The following CCDC63 variants were observed in gnomAD, a reference collection of about 807,000 sequenced individuals.
CCDC63 encodes the protein coiled-coil domain-containing protein 63.
A neutral mutation model predicts 63.6 loss-of-function variants in CCDC63; 54 were observed. That is an observed-to-expected ratio of 0.85 (90% CI 0.68 to 1.07). CCDC63 has a LOEUF of 1.07. Ranked by LOEUF, CCDC63 falls within the 50% of genes least tolerant of loss-of-function variation. CCDC63 has a pLI of 0.00. For synonymous variants in CCDC63, 253 were observed against 266.1 expected, an observed-to-expected ratio of 0.95 and a Z score of 0.48; for missense variants, 637 against 689.6, an observed-to-expected ratio of 0.92 and a Z score of 0.86.
intron 11 of CCDC63, among the ~76,000 whole-genome samples, chr12:110,906,039 A>G (rs1443024279): frequency 1.8e-5 from 1 of 54,644 alleles, no homozygotes; most frequent in Non-Finnish European, 3.2e-5. Flanking sequence ...TTATAATAAT[A>G]TAATATATAA....
chr12:110,883,933 C>G, intron 7 of CCDC63, 97 bp from the exon 8 acceptor site: 2 of 971,176 alleles, frequency 2.1e-6, no homozygotes, highest in Admixed American at 1.8e-5. Context: ...AGTCACCATG[C>G]CTGGCCACAA....
chr12:110,878,019 T>C (rs2071153708), intron 5 of CCDC63, among the ~76,000 whole-genome samples: 1 of 152,048 alleles, frequency 6.6e-6, no homozygotes, highest in African/African-American at 2.4e-5. Context: ...GACTTTTTTT[T>C]GTTTAGAGTC....
chr12:110,859,670 C>CA (rs533303804), intron 4 of CCDC63, among the ~76,000 whole-genome samples: 1,981 of 134,190 alleles, frequency 0.015, 16 homozygotes, highest in South Asian at 0.035. Flanking sequence ...ATTATGGTAA[C>CA]AAAAAAAAAA....
At chr12:110,863,623 C>A (rs189584480) in intron 4 of CCDC63, among the ~76,000 whole-genome samples, 2 of 151,672 alleles carry the variant, frequency 1.3e-5, no homozygotes, top group Admixed American at 6.6e-5. Context: ...TCACTGCAAC[C>A]TTTGCCTCTC....
intron 10 of CCDC63, among the ~76,000 whole-genome samples, chr12:110,900,039 C>A (rs2071467701): frequency 6.6e-6 from 1 of 151,962 alleles, no homozygotes; most frequent in African/African-American, 2.4e-5. Flanking sequence ...CATGGTGAAA[C>A]CCTGTCTCTA....
intron 8 of CCDC63, 94 bp downstream of exon 8, chr12:110,884,344 A>C: frequency 1.0e-6 from 1 of 959,962 alleles, no homozygotes; most frequent in Non-Finnish European, 1.7e-6. Context: ...GAGAGGCACT[A>C]CAGAAAGCAG....
intron 1 of CCDC63, among the ~76,000 whole-genome samples, chr12:110,848,850 G>T (rs986703791): frequency 1.3e-5 from 2 of 152,144 alleles, no homozygotes; most frequent in African/African-American, 4.8e-5. Context: ...GACCCAAAGG[G>T]CCCTGGAACA....
chr12:110,859,324 T>C (rs1402182861), intron 4 of CCDC63, among the ~76,000 whole-genome samples: 1 of 150,446 alleles, frequency 6.6e-6, no homozygotes, highest in Non-Finnish European at 1.5e-5. Context: ...CTTTTTTTTT[T>C]TTGAAAGAGT....
chr12:110,851,256 CTT>C (rs2070701639), intron 1 of CCDC63, among the ~76,000 whole-genome samples: 1 of 11,706 alleles, frequency 8.5e-5, no homozygotes, highest in Non-Finnish European at 1.7e-4. Flanking sequence ...AATGCTGGTG[CTT>C]GCTTGGATGA....
chr12:110,860,086 C>T (rs771454466), intron 4 of CCDC63, among the ~76,000 whole-genome samples: 2 of 152,332 alleles, frequency 1.3e-5, no homozygotes, highest in Non-Finnish European at 2.9e-5. Flanking sequence ...GAACCATTTA[C>T]AAGGGTGTGG....
intron 4 of CCDC63, among the ~76,000 whole-genome samples, chr12:110,867,310 G>A (rs1270458135): frequency 0.079 from 5,211 of 65,550 alleles, 35 homozygotes; most frequent in Admixed American, 0.12. Context: ...GGGCAGAGGC[G>A]CCCCTCACCT....
At chr12:110,892,821 A>G (rs549103425) in intron 8 of CCDC63, among the ~76,000 whole-genome samples, 2 of 151,684 alleles carry the variant, frequency 1.3e-5, no homozygotes, top group East Asian at 3.9e-4. Flanking sequence ...TTCATCTCAA[A>G]AAAAAAAGAT....
chr12:110,875,659 C>A (rs1489738727), intron 5 of CCDC63, among the ~76,000 whole-genome samples: 1 of 152,152 alleles, frequency 6.6e-6, no homozygotes, highest in Non-Finnish European at 1.5e-5. Flanking sequence ...TATAGTTGTT[C>A]CTAGTATATC....
chr12:110,861,055 G>A (rs1255089988), intron 4 of CCDC63, among the ~76,000 whole-genome samples: 1 of 152,124 alleles, frequency 6.6e-6, no homozygotes, highest in East Asian at 1.9e-4. Flanking sequence ...AGGAAGAAGA[G>A]AGAGACGGGG....
At chr12:110,896,131 C>A (rs2071412787) in intron 9 of CCDC63, among the ~76,000 whole-genome samples, 1 of 151,864 alleles carries the variant, frequency 6.6e-6, no homozygotes, top group Admixed American at 6.6e-5. Context: ...TTCTTAAATG[C>A]ACTTTTATTA....
At chr12:110,873,425 A>G (rs1030938581) in intron 4 of CCDC63, among the ~76,000 whole-genome samples, 3 of 152,232 alleles carry the variant, frequency 2.0e-5, no homozygotes, top group Non-Finnish European at 2.9e-5. Context: ...TGGCTTCATC[A>G]TTGCAAGAGC....
Position 110,874,143 on chromosome 12 carries a change from C to T in CCDC63, c.489+182C>T, listed in dbSNP as rs371966775. Among the ~76,000 whole-genome samples, 3 of 151,816 alleles carry T rather than the reference C, an allele frequency of 2.0e-5. No homozygotes were observed. In the East Asian group the frequency reaches 5.8e-4, roughly 29 times the overall value. On this transcript the variant is annotated intron_variant, in intron 5 of 11. Transcript: ENST00000308208. Reference sequence around the variant, plus strand: ...GATTTACTGTCCACCTTAGCAAATGCGGTTATCCCCTCAAACCCTTACCCG... The same window carrying T: ...GATTTACTGTCCACCTTAGCAAATGTGGTTATCCCCTCAAACCCTTACCCG...
intron 4 of CCDC63, among the ~76,000 whole-genome samples, chr12:110,871,429 C>T (rs918956336): frequency 6.6e-6 from 1 of 152,208 alleles, no homozygotes; most frequent in African/African-American, 2.4e-5. Flanking sequence ...GCGTGAGCCA[C>T]TGCGCCCAGC....
intron 4 of CCDC63, among the ~76,000 whole-genome samples, chr12:110,868,231 G>A (rs1286995088): frequency 3.8e-5 from 5 of 131,758 alleles, no homozygotes; most frequent in Admixed American, 3.0e-4. Flanking sequence ...GGGCGGAGAC[G>A]CTCCTCACTT....
Sources: allele counts gnomAD v4.1 joint callset (sites outside exome capture counted in the v4.1 genomes callset), GRCh38; gene constraint gnomAD v4.1.1; transcripts MANE v1.5; gene names NCBI Gene and HGNC (gene_info 2026-07-23, HGNC 2026-07-21).